TAF1D: variants seen among roughly 807,000 people sequenced by gnomAD.
TAF1D encodes TATA box-binding protein-associated factor RNA polymerase I subunit D.
In TAF1D, 23 loss-of-function variants were observed where a neutral mutation model predicts 26.2. That is an observed-to-expected ratio of 0.88 (90% CI 0.63 to 1.25). The LOEUF (loss-of-function observed/expected upper bound fraction) is 1.25. Ranked by LOEUF, TAF1D falls within the 50% of genes most tolerant of loss-of-function variation. The pLI is 0.00. For synonymous variants in TAF1D, 100 were observed against 105.6 expected, an observed-to-expected ratio of 0.95 and a Z score of 0.33; for missense variants, 299 against 322.0, an observed-to-expected ratio of 0.93 and a Z score of 0.55.
chr11:93,735,425 A>C, downstream of TAF1D: 1 of 737,604 alleles, frequency 1.4e-6, no homozygotes, highest in Non-Finnish European at 1.7e-6. Context: ...GCTCACACCT[A>C]TAATCCCAGC....
At chr11:93,739,533 CTAAATG>C (rs1313628942) in intron 1 of TAF1D, among the ~76,000 whole-genome samples, 1 of 152,198 alleles carries the variant, frequency 6.6e-6, no homozygotes, top group Non-Finnish European at 1.5e-5. Flanking sequence ...TTGTTACCCT[CTAAATG>C]TATTCAACGC....
At chr11:93,734,071 C>T (rs1565239841), downstream of TAF1D, 1 of 152,530 alleles carries the variant, frequency 6.6e-6, no homozygotes, top group African/African-American at 2.4e-5. Context: ...TAAAGTCTAA[C>T]TGTTGTTATG....
downstream of TAF1D, chr11:93,732,602 C>T (rs1243848838): frequency 5.3e-6 from 2 of 376,940 alleles, no homozygotes; most frequent in East Asian, 6.4e-5. Context: ...ATAATTTGAG[C>T]TTTTTTCCTA....
At chr11:93,735,330 C>A, downstream of TAF1D, 1 of 1,183,668 alleles carries the variant, frequency 8.4e-7, no homozygotes, top group Non-Finnish European at 1.1e-6. Flanking sequence ...CCCAGGTATA[C>A]ATGTTGAATA....
downstream of TAF1D, chr11:93,735,049 T>G (rs1010220517): frequency 1.6e-6 from 2 of 1,277,470 alleles, no homozygotes; most frequent in African/African-American, 3.0e-5. Context: ...CCATTGCACC[T>G]GGCCTGGAAC....
intron 3 of TAF1D, 30 bp from the exon 4 acceptor site, chr11:93,737,269 G>A (rs759455683): frequency 6.2e-5 from 94 of 1,508,148 alleles, no homozygotes; most frequent in Middle Eastern, 5.3e-4. Context: ...TAAGTATGTC[G>A]AGATTTTATT....
downstream of TAF1D, chr11:93,733,423 G>A (rs751655637): frequency 1.9e-6 from 1 of 518,498 alleles, no homozygotes. Context: ...AGATTATCTG[G>A]TTTTTCATAA....
At chr11:93,733,917 A>G (rs1457640449), downstream of TAF1D, 1 of 152,796 alleles carries the variant, frequency 6.5e-6, no homozygotes, top group African/African-American at 2.4e-5. Flanking sequence ...CAACTGCAGA[A>G]ACTTCCTACT....
At chr11:93,733,536 CTA>C (rs1301681343), downstream of TAF1D, 1 of 518,974 alleles carries the variant, frequency 1.9e-6, no homozygotes, top group South Asian at 1.4e-5. Flanking sequence ...CAGAGTTACT[CTA>C]TGAGGCGTTT....
chr11:93,738,944 T>A (rs1333255947), intron 2 of TAF1D: 1 of 441,324 alleles, frequency 2.3e-6, no homozygotes, highest in Non-Finnish European at 4.0e-6. Context: ...TAAGAGTGTC[T>A]GAGTAAAACA....
chr11:93,730,347 T>G, exon 12 of TAF1D: 1 of 1,081,202 alleles, frequency 9.2e-7, no homozygotes, highest in South Asian at 1.3e-5. Context: ...CAATAAATTG[T>G]TATTCGAGGA....
downstream of TAF1D, chr11:93,732,921 T>C (rs1316521897): frequency 1.1e-5 from 3 of 268,578 alleles, no homozygotes; most frequent in African/African-American, 4.5e-5. Flanking sequence ...TTGGTAGGTA[T>C]AGACATGCAG....
chr11:93,735,089 A>T, downstream of TAF1D: 1 of 1,321,534 alleles, frequency 7.6e-7, no homozygotes. Context: ...TACTCCCATC[A>T]ATCAACTGTC....
exon 12 of TAF1D, chr11:93,730,383 G>A (rs1163489977): frequency 2.3e-6 from 2 of 868,936 alleles, no homozygotes; most frequent in African/African-American, 1.7e-5. Context: ...TTCTTCCACT[G>A]TCCATCAAGG....
downstream of TAF1D, chr11:93,734,367 G>T (rs148980903): frequency 6.8e-4 from 185 of 271,354 alleles, 1 homozygote; most frequent in African/African-American, 3.9e-3. Context: ...TAATGCTGTA[G>T]GCTTCAAGTA....
intron 2 of TAF1D, 92 bp from the exon 3 acceptor site, chr11:93,738,591 C>T: frequency 1.5e-6 from 2 of 1,316,350 alleles, no homozygotes; most frequent in Non-Finnish European, 2.0e-6. Context: ...TCTTCCAAGA[C>T]CAACTCAGAA....
rs753204840 is a variant in TAF1D, at chr11:93,738,299, C to A, written c.269G>T (p.Arg90Ile). The A allele has an allele frequency of 1.2e-6, 2 of 1,606,664 alleles. No individual in the cohort carries two copies. Among genetic ancestry groups the A allele is most frequent in the Non-Finnish European group, 1.7e-6 (2 of 1,178,124 alleles). ...CCTCCTCTTTTTCTTTTTTTTATAT[C>A]TCTTTTTCCTGTTCTTGAATCTTTC... is the stretch of plus-strand genomic sequence containing the variant. Reference protein sequence around the residue: ...IFERFKNRKKRYKKKKKRRYQ... With the variant: ...IFERFKNRKKIYKKKKKRRYQ... The change falls in exon 3 of 6, where the codon AGA becomes ATA. Residue 90 changes from arginine to isoleucine, a missense_variant. Coordinates refer to ENST00000448108, the MANE Select transcript of TAF1D (RefSeq NM_024116.4).
chr11:93,730,961 T>TC (rs749991377), downstream of TAF1D: 54 of 499,254 alleles, frequency 1.1e-4, no homozygotes, highest in Non-Finnish European at 1.2e-5. Flanking sequence ...TTGTATTGCA[T>TC]TTCTATTACA....
rs758705344 is a variant in TAF1D at position 93,738,179 on chromosome 11, C to G, written c.389G>C (p.Gly130Ala). The G allele has an allele frequency of 6.3e-7, 1 of 1,578,298 alleles. No individual in the cohort carries two copies. ...IDKKKQFRSR[G>A]SGFPFLESEN... ...TGATTCTAAAAATGGGAAGCCAGATCCTCTGCTTCTAAATTGTTTCTTCTT... is the reference window on the plus strand; with the variant it reads ...TGATTCTAAAAATGGGAAGCCAGATGCTCTGCTTCTAAATTGTTTCTTCTT... Residue 130 changes from glycine (G) to alanine (A), a missense_variant, in exon 3 of 6, where the codon GGA becomes GCA. Gly to Ala is a moderately conservative substitution (Grantham distance 60, BLOSUM62 0). Coordinates refer to ENST00000448108, the MANE Select transcript of TAF1D (RefSeq NM_024116.4).
Sources: allele counts gnomAD v4.1 joint callset (sites outside exome capture counted in the v4.1 genomes callset), GRCh38; gene constraint gnomAD v4.1.1; transcripts MANE v1.5; gene names NCBI Gene and HGNC (gene_info 2026-07-23, HGNC 2026-07-21).